Variants in TNFRSF1B observed in about 807,000 individuals in gnomAD.
TNFRSF1B encodes tumor necrosis factor receptor superfamily member 1B.
In TNFRSF1B, 19 loss-of-function variants were observed where a neutral mutation model predicts 44.6. That is an observed-to-expected ratio of 0.43 (90% CI 0.30 to 0.62). The LOEUF (loss-of-function observed/expected upper bound fraction) is 0.62. TNFRSF1B is among the 20% of genes least tolerant of loss of function. TNFRSF1B has a pLI of 0.16. For synonymous variants in TNFRSF1B, 252 were observed against 261.1 expected (o/e 0.97, Z 0.34); for missense variants, 541 against 619.9 (o/e 0.87, Z 1.35).
intron 1 of TNFRSF1B, among the ~76,000 whole-genome samples, chr1:12,174,662 C>T (rs923610756): frequency 3.9e-5 from 6 of 152,246 alleles, no homozygotes; most frequent in African/African-American, 1.4e-4. Flanking sequence ...GGCTAGTTCA[C>T]AGCAAGTATT....
chr1:12,203,963 CA>C, intron 9 of TNFRSF1B, among the ~76,000 whole-genome samples: 1 of 152,340 alleles, frequency 6.6e-6, no homozygotes, highest in Admixed American at 6.5e-5. Flanking sequence ...ATCCTGACCT[CA>C]GGTGATCCAT....
chr1:12,171,274 G>A lies in TNFRSF1B; in HGVS notation c.78+4105G>A, dbSNP rs1446415696. ...AGTGATCCACCTGCCTCGGCCTCCC[G>A]AAGTGCTGGGATTATAGGCGTGAGC... On this transcript the variant is annotated intron_variant, in intron 1 of 9. Coordinates refer to ENST00000376259, the MANE Select transcript of TNFRSF1B (RefSeq NM_001066.3). This position sits in a 1 kb window ranked among gnomAD's most constrained non-coding sequence, Gnocchi z 4.5. 1.3e-5 allele frequency among the ~76,000 whole-genome samples: 2 copies of A among 150,726 alleles called. No individual in the cohort carries two copies. The highest frequency in any genetic ancestry group is 2.1e-4 in the South Asian group (1 of 4,808).
chr1:12,174,519 A>G (rs1049868081), intron 1 of TNFRSF1B, among the ~76,000 whole-genome samples: 2 of 152,220 alleles, frequency 1.3e-5, no homozygotes, highest in Non-Finnish European at 2.9e-5. Flanking sequence ...AAGTGCTGGA[A>G]TTACAGGCGT....
intron 1 of TNFRSF1B, among the ~76,000 whole-genome samples, chr1:12,183,744 T>TCTATCTATCTATTCTATCTACCTAC (rs1638896958): frequency 9.6e-6 from 1 of 103,762 alleles, no homozygotes; most frequent in Non-Finnish European, 2.3e-5. Flanking sequence ...TATCTATCTA[T>TCTATCTATCTATTCTATCTACCTAC]CTATCTAGCT....
chr1:12,200,348 C>T (rs1449205915), intron 8 of TNFRSF1B, among the ~76,000 whole-genome samples: 1 of 151,984 alleles, frequency 6.6e-6, no homozygotes, highest in Non-Finnish European at 1.5e-5. Flanking sequence ...GAGGCTGAGG[C>T]AGTGCAGCAG....
rs148763418 is a variant in TNFRSF1B, at chr1:12,168,869, G to A, written c.78+1700G>A. 6.6e-6 allele frequency among the ~76,000 whole-genome samples: 1 copy of A among 152,204 alleles called. No homozygotes were observed. The highest frequency in any genetic ancestry group is 2.4e-5 in the African/African-American group (1 of 41,530). ...GCATGAGGCACCTCTCTGTTTGCCTGGGGAGCCTCCTGTGGCTCCCAATGG... is the reference window on the plus strand; with the variant it reads ...GCATGAGGCACCTCTCTGTTTGCCTAGGGAGCCTCCTGTGGCTCCCAATGG... On this transcript the variant is annotated intron_variant, in intron 1 of 9. Transcript: ENST00000376259. This position sits in a 1 kb window ranked among gnomAD's most constrained non-coding sequence, Gnocchi z 4.7.
chr1:12,197,457 A>AG (rs776479386), intron 8 of TNFRSF1B, among the ~76,000 whole-genome samples: 3 of 152,232 alleles, frequency 2.0e-5, no homozygotes, highest in Non-Finnish European at 4.4e-5. Context: ...AAATCTGCAC[A>AG]GGCCTGAGCT....
chr1:12,200,112 C>G (rs192539202), intron 8 of TNFRSF1B, among the ~76,000 whole-genome samples: 1 of 152,124 alleles, frequency 6.6e-6, no homozygotes, highest in African/African-American at 2.4e-5. Context: ...ATGTCCTAAC[C>G]GTGACCTTGG....
rs773702173 is a variant in TNFRSF1B at position 12,191,093 on chromosome 1, G to A, written c.307+8G>A. On this transcript the variant is annotated splice_region_variant and intron_variant, in intron 3 of 9. Coordinates refer to ENST00000376259, the MANE Select transcript of TNFRSF1B (RefSeq NM_001066.3). ...GCTCCCGCTGTAGCTCTGGTGAGTA[G>A]GTTCAGAGAAAAAGGGGGCCCTTAC... 1 of 1,612,450 alleles carries A rather than the reference G, an allele frequency of 6.2e-7. No individual in the cohort carries two copies. The highest frequency in any genetic ancestry group is 2.2e-5 in the East Asian group (1 of 44,834).
rs1300544443 is a variant in TNFRSF1B, at chr1:12,171,771, A to G, written c.78+4602A>G. ...CAGTAGCGCCACCCTCCCTCGTGAC[A>G]AAAATATCTCCAGATATTGCTAAGT... On this transcript the variant is annotated intron_variant, in intron 1 of 9. Transcript: ENST00000376259. The surrounding 1 kb of genome is among the most constrained non-coding windows in gnomAD (Gnocchi z 4.5). Among the ~76,000 whole-genome samples the G allele has an allele frequency of 6.6e-6, 1 of 152,192 alleles. No individual in the cohort carries two copies.
chr1:12,175,388 T>C (rs1638632236), intron 1 of TNFRSF1B, among the ~76,000 whole-genome samples: 1 of 152,220 alleles, frequency 6.6e-6, no homozygotes, highest in African/African-American at 2.4e-5. Flanking sequence ...CAGATTGCAC[T>C]GCCACGTCAC....
At chr1:12,192,360 G>A (rs546181793) in intron 4 of TNFRSF1B, 71 bp from the exon 5 acceptor site, 2 of 1,453,438 alleles carry the variant, frequency 1.4e-6, no homozygotes, top group African/African-American at 2.8e-5. Flanking sequence ...CTCTCCTAGG[G>A]CTCTAGTGCC....
At chr1:12,203,013 G>A (rs1557640886) in intron 9 of TNFRSF1B, among the ~76,000 whole-genome samples, 1 of 152,244 alleles carries the variant, frequency 6.6e-6, no homozygotes, top group South Asian at 2.1e-4. Context: ...CCCTGGACCT[G>A]GTCTATGACA....
chr1:12,175,257 G>A (rs1638628668), intron 1 of TNFRSF1B, among the ~76,000 whole-genome samples: 1 of 152,238 alleles, frequency 6.6e-6, no homozygotes, highest in African/African-American at 2.4e-5. Flanking sequence ...TCTGCTTCCG[G>A]GAGAACTTGG....
chr1:12,191,613 G>A, intron 3 of TNFRSF1B, 161 bp from the exon 4 acceptor site: 1 of 805,950 alleles, frequency 1.2e-6, no homozygotes. Context: ...AGGACTGCCG[G>A]TCCTGCCCCT....
At chr1:12,189,079 C>A (rs1639052685) in intron 2 of TNFRSF1B, among the ~76,000 whole-genome samples, 184 bp downstream of exon 2, 1 of 152,242 alleles carries the variant, frequency 6.6e-6, no homozygotes, top group Admixed American at 6.5e-5. Context: ...CACTTCCCAA[C>A]TCCCTTTCCC....
In TNFRSF1B at chr1:12,168,883, G is replaced by A. The variant is rs1463420589; in HGVS notation, c.78+1714G>A. The stretch of plus-strand genomic sequence containing the variant: ...TCTGTTTGCCTGGGGAGCCTCCTGT[G>A]GCTCCCAATGGTTGAGGCAGAAACT... On this transcript the variant is annotated intron_variant, in intron 1 of 9. Transcript: ENST00000376259. The surrounding 1 kb of genome is among the most constrained non-coding windows in gnomAD (Gnocchi z 4.7). 2.0e-5 allele frequency among the ~76,000 whole-genome samples: 3 copies of A among 152,130 alleles called. No individual in the cohort carries two copies. The highest frequency in any genetic ancestry group is 4.4e-5 in the Non-Finnish European group (3 of 68,030).
At chr1:12,204,667 G>T (rs1009200809) in intron 9 of TNFRSF1B, among the ~76,000 whole-genome samples, 1 of 152,198 alleles carries the variant, frequency 6.6e-6, no homozygotes, top group African/African-American at 2.4e-5. Flanking sequence ...GGAAGGTGAG[G>T]CAAACCTTGG....
chr1:12,185,387 G>A (rs1224805411), intron 1 of TNFRSF1B, among the ~76,000 whole-genome samples: 2 of 152,190 alleles, frequency 1.3e-5, no homozygotes, highest in African/African-American at 4.8e-5. Context: ...GGGAGTGGGT[G>A]TTGGCTTCAT....
Sources: allele counts gnomAD v4.1 joint callset (sites outside exome capture counted in the v4.1 genomes callset), GRCh38; gene constraint gnomAD v4.1.1; non-coding constraint Gnocchi (gnomAD v3.1); transcripts MANE v1.5; gene names NCBI Gene and HGNC (gene_info 2026-07-23, HGNC 2026-07-21).